The following ACKR2 variants were observed in gnomAD, a reference collection of about 807,000 sequenced individuals.
ACKR2 encodes the protein atypical chemokine receptor 2.
For missense variants in ACKR2, 457 were observed against 477.3 expected, an observed-to-expected ratio of 0.96 and a Z score of 0.40; for synonymous variants, 207 against 192.2, an observed-to-expected ratio of 1.08 and a Z score of -0.64.
At chr3:42,838,500 T>C (rs1701005603) in intron 2 of ACKR2, among the ~76,000 whole-genome samples, 1 of 151,934 alleles carries the variant, frequency 6.6e-6, no homozygotes, top group African/African-American at 2.4e-5. Flanking sequence ...AATGAGATAC[T>C]ACTTCACATT....
At chr3:42,837,142 T>C (rs1700993822) in intron 2 of ACKR2, among the ~76,000 whole-genome samples, 1 of 152,040 alleles carries the variant, frequency 6.6e-6, no homozygotes, top group Admixed American at 6.6e-5. Context: ...GGTGTAACTG[T>C]CAGTCTAAGG....
At chr3:42,829,027 G>A (rs1409079690) in intron 2 of ACKR2, among the ~76,000 whole-genome samples, 3 of 152,080 alleles carry the variant, frequency 2.0e-5, no homozygotes, top group South Asian at 2.1e-4. Flanking sequence ...GAAATTGGAC[G>A]GAATTAAAGA....
At chr3:42,833,539 T>C (rs1377104053) in intron 2 of ACKR2, among the ~76,000 whole-genome samples, 1 of 152,198 alleles carries the variant, frequency 6.6e-6, no homozygotes, top group Non-Finnish European at 1.5e-5. Context: ...ATTTGTACTG[T>C]CTTTGAAATC....
intron 2 of ACKR2, among the ~76,000 whole-genome samples, chr3:42,857,317 A>G (rs1437629305): frequency 6.6e-6 from 1 of 152,162 alleles, no homozygotes; most frequent in Non-Finnish European, 1.5e-5. Context: ...AGAATCTGCA[A>G]GGTATCCCAT....
At chr3:42,836,604 C>T (rs1575382259) in intron 2 of ACKR2, among the ~76,000 whole-genome samples, 1 of 152,182 alleles carries the variant, frequency 6.6e-6, no homozygotes, top group East Asian at 1.9e-4. Context: ...GGCTCTAGAC[C>T]ATTCTTGAGG....
intron 2 of ACKR2, among the ~76,000 whole-genome samples, chr3:42,821,326 A>G (rs1700807724): frequency 6.6e-6 from 1 of 152,232 alleles, no homozygotes; most frequent in Non-Finnish European, 1.5e-5. Context: ...GTGTTCCACT[A>G]GAAGCAAGAA....
At chr3:42,816,696 A>G (rs368132520) in intron 1 of ACKR2, among the ~76,000 whole-genome samples, 1 of 151,948 alleles carries the variant, frequency 6.6e-6, no homozygotes, top group Non-Finnish European at 1.5e-5. Flanking sequence ...AGCTGGGATT[A>G]CAGGTGTTTG....
intron 2 of ACKR2, among the ~76,000 whole-genome samples, chr3:42,834,950 A>G (rs1213473324): frequency 6.6e-6 from 1 of 151,738 alleles, no homozygotes; most frequent in East Asian, 1.9e-4. Flanking sequence ...CAGTGGCCCG[A>G]TCTCGGCTCA....
chr3:42,816,764 G>A (rs996936086), intron 1 of ACKR2, among the ~76,000 whole-genome samples: 15 of 151,886 alleles, frequency 9.9e-5, no homozygotes, highest in African/African-American at 3.6e-4. Flanking sequence ...CACCACGTTG[G>A]CCAGGCTGGT....
intron 2 of ACKR2, among the ~76,000 whole-genome samples, chr3:42,848,737 T>C (rs958282851): frequency 5.3e-5 from 8 of 152,150 alleles, no homozygotes; most frequent in Admixed American, 1.3e-4. Context: ...AAAAGGTAAA[T>C]AGTAATTTCA....
intron 2 of ACKR2, among the ~76,000 whole-genome samples, chr3:42,825,364 G>T (rs762343455): frequency 1.3e-5 from 2 of 152,002 alleles, no homozygotes; most frequent in Non-Finnish European, 2.9e-5. Context: ...ACTTACTTAG[G>T]TCTACTTTAA....
At chr3:42,825,021 T>C (rs1700848039) in intron 2 of ACKR2, among the ~76,000 whole-genome samples, 2 of 152,180 alleles carry the variant, frequency 1.3e-5, no homozygotes, top group Non-Finnish European at 1.5e-5. Flanking sequence ...CAATTGGCCA[T>C]GGATACCTGG....
chr3:42,815,710 C>T (rs571641539), intron 1 of ACKR2, among the ~76,000 whole-genome samples: 1 of 152,276 alleles, frequency 6.6e-6, no homozygotes, highest in Admixed American at 6.5e-5. Context: ...TAATATTTTT[C>T]CAGAAGGACC....
At chr3:42,818,465 G>A (rs924165446) in intron 1 of ACKR2, among the ~76,000 whole-genome samples, 2 of 152,190 alleles carry the variant, frequency 1.3e-5, no homozygotes, top group African/African-American at 4.8e-5. Flanking sequence ...GATGTGCTCT[G>A]AGCAAACTGG....
chr3:42,828,090 A>ATTTTTTTTTTTTTTT (rs200255129), intron 2 of ACKR2, among the ~76,000 whole-genome samples: 1 of 91,874 alleles, frequency 1.1e-5, no homozygotes, highest in African/African-American at 4.3e-5. Flanking sequence ...ATATATATAT[A>ATTTTTTTTTTTTTTT]TATTTTTTTT....
intron 2 of ACKR2, among the ~76,000 whole-genome samples, chr3:42,854,499 G>A (rs903007310): frequency 6.6e-6 from 1 of 152,146 alleles, no homozygotes; most frequent in African/African-American, 2.4e-5. Context: ...TGGGGGGGAA[G>A]GGGTCGTCAC....
chr3:42,828,101 T>TTTTTTTCTTTTC, intron 2 of ACKR2, among the ~76,000 whole-genome samples: 1 of 144,562 alleles, frequency 6.9e-6, no homozygotes, highest in Non-Finnish European at 1.5e-5. Context: ...TATTTTTTTT[T>TTTTTTTCTTTTC]TTTTCTTTTC....
At chr3:42,844,487 G>T (rs1701072385) in intron 2 of ACKR2, among the ~76,000 whole-genome samples, 1 of 152,132 alleles carries the variant, frequency 6.6e-6, no homozygotes, top group South Asian at 2.1e-4. Context: ...GGAATTTCTG[G>T]CATGCTGCAC....
chr3:42,850,465 T>C (rs546418559), intron 2 of ACKR2, among the ~76,000 whole-genome samples: 9 of 152,240 alleles, frequency 5.9e-5, no homozygotes, highest in Non-Finnish European at 8.8e-5. Context: ...TGTGTGTGAC[T>C]CCAATGCCAT....
Sources: allele counts gnomAD v4.1 joint callset (sites outside exome capture counted in the v4.1 genomes callset), GRCh38; gene constraint gnomAD v4.1.1; transcripts MANE v1.5; gene names NCBI Gene and HGNC (gene_info 2026-07-23, HGNC 2026-07-21).